Variants in NXPH1 observed in about 807,000 individuals in gnomAD.
NXPH1 encodes neurexophilin 1.
In NXPH1, 5 loss-of-function variants were observed where a neutral mutation model predicts 23.7. That is an observed-to-expected ratio of 0.21 (90% CI 0.11 to 0.44). The LOEUF (loss-of-function observed/expected upper bound fraction) is 0.44. Among genes scored for constraint, NXPH1 ranks in the 20% least tolerant of loss-of-function variants. NXPH1 has a pLI of 0.99. For synonymous variants in NXPH1, 144 were observed against 122.2 expected (o/e 1.18, Z -1.18); for missense variants, 324 against 321.6 (o/e 1.01, Z -0.06).
Position 8,575,309 on chromosome 7 carries a change from G to A in NXPH1, c.54+139542G>A, listed in dbSNP as rs568107384. 6.6e-5 allele frequency among the ~76,000 whole-genome samples: 10 copies of A among 152,186 alleles called. No individual in the cohort carries two copies. In the South Asian group the frequency reaches 1.5e-3, roughly 22 times the overall value. ...ATTTTTGAATTTCTACAACTAAAAT[G>A]TCTCTTTTTCTCCTTTAAGTACAAG... On this transcript the variant is annotated intron_variant, in intron 2 of 2. Coordinates refer to ENST00000405863, the MANE Select transcript of NXPH1 (RefSeq NM_152745.3).
Position 8,435,802 on chromosome 7 carries a change from T to A in NXPH1, c.54+35T>A, listed in dbSNP as rs181437833. The A allele has an allele frequency of 8.7e-6, 14 of 1,608,160 alleles. No homozygotes were observed. The Admixed American group carries it at 2.2e-4, about 25-fold the overall frequency. Reference sequence around the variant, plus strand: ...GGAAGGTTCGGGGCTTTCGCATTTTTACCCCGGCCGGGAGGCAAGGAAACT... The same window carrying A: ...GGAAGGTTCGGGGCTTTCGCATTTTAACCCCGGCCGGGAGGCAAGGAAACT... On this transcript the variant is annotated intron_variant, in intron 2 of 2. Coordinates refer to ENST00000405863, the MANE Select transcript of NXPH1 (RefSeq NM_152745.3). This position sits in a 1 kb window ranked among gnomAD's most constrained non-coding sequence, Gnocchi z 5.9.
chr7:8,446,616 CT>C (rs890455706), intron 2 of NXPH1, among the ~76,000 whole-genome samples: 16 of 152,256 alleles, frequency 1.1e-4, no homozygotes, highest in Admixed American at 3.9e-4. Flanking sequence ...AAATCTCTTC[CT>C]GTTTTCCACA....
At chr7:8,504,602 A>G (rs1817491491) in intron 2 of NXPH1, among the ~76,000 whole-genome samples, 2 of 152,068 alleles carry the variant, frequency 1.3e-5, no homozygotes, top group Admixed American at 1.3e-4. Context: ...ATGGAGAACA[A>G]GGCCTATCAG....
intron 2 of NXPH1, among the ~76,000 whole-genome samples, chr7:8,536,361 A>G (rs1244144650): frequency 6.6e-6 from 1 of 152,010 alleles, no homozygotes; most frequent in Non-Finnish European, 1.5e-5. Flanking sequence ...TGGCTTTAGA[A>G]CATTTCTGTT....
At chr7:8,641,104 T>G (rs1820301388) in intron 2 of NXPH1, among the ~76,000 whole-genome samples, 2 of 152,174 alleles carry the variant, frequency 1.3e-5, no homozygotes, top group South Asian at 4.1e-4. Flanking sequence ...AAAATATTTA[T>G]TTAGTTAAGT....
chr7:8,532,778 G>A (rs1817968908), intron 2 of NXPH1, among the ~76,000 whole-genome samples: 1 of 152,116 alleles, frequency 6.6e-6, no homozygotes, highest in East Asian at 1.9e-4. Flanking sequence ...CTATGGCCTT[G>A]GGCAAGATAA....
chr7:8,508,226 C>A (rs553891991), intron 2 of NXPH1, among the ~76,000 whole-genome samples: 27 of 152,050 alleles, frequency 1.8e-4, no homozygotes, highest in Non-Finnish European at 3.2e-4. Context: ...TGAATACCTG[C>A]ATATTTATAG....
chr7:8,662,384 C>T (rs1820691337), intron 2 of NXPH1, among the ~76,000 whole-genome samples: 2 of 138,200 alleles, frequency 1.4e-5, no homozygotes, highest in Admixed American at 7.7e-5. Context: ...TCATAAATGT[C>T]AGAACAGGTA....
chr7:8,445,706 TATGTTTC>T (rs1816393071), intron 2 of NXPH1, among the ~76,000 whole-genome samples: 1 of 152,258 alleles, frequency 6.6e-6, no homozygotes, highest in Non-Finnish European at 1.5e-5. Context: ...AGCAAGGTTA[TATGTTTC>T]TATGTATTCA....
In NXPH1 at chr7:8,442,307, G is replaced by C. The variant is rs1227248012; in HGVS notation, c.54+6540G>C. Among the ~76,000 whole-genome samples, 1 of 152,202 alleles carries C rather than the reference G, an allele frequency of 6.6e-6. No individual in the cohort carries two copies. Among genetic ancestry groups the C allele is most frequent in the Non-Finnish European group, 1.5e-5 (1 of 68,038 alleles). ...TTCTCCCACAATAAGACAAATTGCT[G>C]CTTAGAAAAACTGAGTGTTTCCTTA... On this transcript the variant is annotated intron_variant, in intron 2 of 2. Transcript: ENST00000405863. The surrounding 1 kb of genome is among the most constrained non-coding windows in gnomAD (Gnocchi z 4.6).
At chr7:8,739,475 A>T (rs1426675271) in intron 2 of NXPH1, among the ~76,000 whole-genome samples, 1 of 152,068 alleles carries the variant, frequency 6.6e-6, no homozygotes, top group Non-Finnish European at 1.5e-5. Context: ...CATGGGCTGC[A>T]CGCACTGTCT....
rs1387343043 is a variant in NXPH1 at position 8,464,902 on chromosome 7, A to G, written c.54+29135A>G. Among the ~76,000 whole-genome samples, 3 of 152,222 alleles carry G rather than the reference A, an allele frequency of 2.0e-5. No individual in the cohort carries two copies. In the East Asian group the frequency reaches 5.8e-4, roughly 29 times the overall value. Reference sequence around the variant, plus strand: ...ATGCCCATGTTCTGGAAGGCCTGAAAGTTAGCCTAAGTAGTTTAGACTGTG... The same window carrying G: ...ATGCCCATGTTCTGGAAGGCCTGAAGGTTAGCCTAAGTAGTTTAGACTGTG... On this transcript the variant is annotated intron_variant, in intron 2 of 2. Transcript: ENST00000405863.
At chr7:8,441,921 G>C (rs1263466716) in intron 2 of NXPH1, among the ~76,000 whole-genome samples, 1 of 150,862 alleles carries the variant, frequency 6.6e-6, no homozygotes, top group Non-Finnish European at 1.5e-5. Context: ...GGTGGGAGCC[G>C]GCAGGGGGTC....
intron 2 of NXPH1, among the ~76,000 whole-genome samples, chr7:8,472,502 G>A (rs1584178342): frequency 6.6e-6 from 1 of 152,262 alleles, no homozygotes; most frequent in Admixed American, 6.5e-5. Context: ...CCCTGTGTGA[G>A]GCTATGGCTG....
chr7:8,671,362 ACT>A lies in NXPH1; in HGVS notation c.55-79643_55-79642del, dbSNP rs551847637. On this transcript the variant is annotated intron_variant, in intron 2 of 2. Transcript: ENST00000405863. ...ATAGGTTCCTGAGCATTCTAAAAAC[ACT>A]CTTTTTGATTGCCAATATGATGTTT... Among the ~76,000 whole-genome samples the A allele has an allele frequency of 9.2e-5, 14 of 152,058 alleles. No homozygotes were observed. In the South Asian group the frequency reaches 2.7e-3, roughly 29 times the overall value.
Position 8,601,029 on chromosome 7 carries a change from T to C in NXPH1, c.55-149979T>C, listed in dbSNP as rs28667980. 9.1e-3 allele frequency among the ~76,000 whole-genome samples: 1,383 copies of C among 152,204 alleles called. 22 individuals carry two copies. The highest frequency in any genetic ancestry group is 0.032 in the African/African-American group (1,319 of 41,526). On this transcript the variant is annotated intron_variant, in intron 2 of 2. Transcript: ENST00000405863. ...AGTAACATAGAGATGATTTAAAGTATATGGAAGGATATGCATAATTTATAT... is the reference window on the plus strand; with the variant it reads ...AGTAACATAGAGATGATTTAAAGTACATGGAAGGATATGCATAATTTATAT...
intron 2 of NXPH1, among the ~76,000 whole-genome samples, chr7:8,611,691 T>C (rs1185162583): frequency 2.0e-5 from 3 of 152,118 alleles, no homozygotes; most frequent in Non-Finnish European, 4.4e-5. Flanking sequence ...ATAACTCCAA[T>C]GATCTCTTGG....
Position 8,686,771 on chromosome 7 carries a change from G to A in NXPH1, c.55-64237G>A, listed in dbSNP as rs941378547. Among the ~76,000 whole-genome samples, 14 of 152,158 alleles carry A rather than the reference G, an allele frequency of 9.2e-5. No individual in the cohort carries two copies. The South Asian group carries it at 1.0e-3, about 11-fold the overall frequency. On this transcript the variant is annotated intron_variant, in intron 2 of 2. Coordinates refer to ENST00000405863, the MANE Select transcript of NXPH1 (RefSeq NM_152745.3). ...CATGTGTGGAATGTCATACATGACTGGAATCTAGGTTCCTTCAAACCAACT... is the reference window on the plus strand; with the variant it reads ...CATGTGTGGAATGTCATACATGACTAGAATCTAGGTTCCTTCAAACCAACT...
intron 2 of NXPH1, among the ~76,000 whole-genome samples, chr7:8,693,251 C>T (rs1236601254): frequency 2.0e-5 from 3 of 152,216 alleles, no homozygotes; most frequent in Admixed American, 1.3e-4. Flanking sequence ...GTAGTAAGAA[C>T]ATTGACTTTA....
Sources: gnomAD v4.1 joint callset for allele counts (sites outside exome capture counted in the v4.1 genomes callset) on GRCh38, gnomAD v4.1.1 for gene constraint, Gnocchi (gnomAD v3.1) non-coding constraint, MANE v1.5 for transcripts, NCBI Gene and HGNC (gene_info 2026-07-23, HGNC 2026-07-21) for gene names.